Variants in SGCZ observed in about 807,000 individuals in gnomAD.
SGCZ encodes the protein sarcoglycan zeta, also known as zeta-sarcoglycan.
Under a neutral mutation model 41.3 loss-of-function variants are expected in SGCZ, and 40 were observed. That is an observed-to-expected ratio of 0.97 (90% CI 0.75 to 1.26). The LOEUF (loss-of-function observed/expected upper bound fraction) is 1.26. Ranked by LOEUF, SGCZ falls within the 50% of genes most tolerant of loss-of-function variation. The pLI is 0.00. For missense variants in SGCZ, 552 were observed against 369.8 expected, an observed-to-expected ratio of 1.49 and a Z score of -4.04; for synonymous variants, 206 against 137.5, an observed-to-expected ratio of 1.50 and a Z score of -3.49.
intron 1 of SGCZ, among the ~76,000 whole-genome samples, chr8:15,165,197 G>C (rs1014389405): frequency 6.6e-6 from 1 of 152,142 alleles, no homozygotes; most frequent in Non-Finnish European, 1.5e-5. Flanking sequence ...GGCTGAGGCA[G>C]AAATGCATGA....
chr8:14,896,779 CTT>C (rs955506258), intron 1 of SGCZ, among the ~76,000 whole-genome samples: 1 of 148,940 alleles, frequency 6.7e-6, no homozygotes, highest in Admixed American at 6.7e-5. Flanking sequence ...ACCTGGCTGA[CTT>C]TTTTTTTCTT....
At chr8:14,523,828 G>A (rs943081770) in intron 2 of SGCZ, among the ~76,000 whole-genome samples, 7 of 152,116 alleles carry the variant, frequency 4.6e-5, no homozygotes, top group Admixed American at 3.9e-4. Context: ...ACGAATGATA[G>A]ATCTATTGTT....
At chr8:14,757,161 G>T (rs531096932) in intron 1 of SGCZ, among the ~76,000 whole-genome samples, 1 of 152,020 alleles carries the variant, frequency 6.6e-6, no homozygotes, top group Non-Finnish European at 1.5e-5. Context: ...CATTTCTCCT[G>T]CCTCAGCCTC....
intron 4 of SGCZ, among the ~76,000 whole-genome samples, chr8:14,207,146 T>C (rs1805641223): frequency 1.6e-4 from 2 of 12,288 alleles, no homozygotes; most frequent in African/African-American, 2.2e-3. Flanking sequence ...AGGGTGATGG[T>C]GGCTATTCTT....
intron 1 of SGCZ, among the ~76,000 whole-genome samples, chr8:15,149,803 TCTAAAAATACACA>T (rs1290584464): frequency 6.6e-6 from 1 of 151,848 alleles, no homozygotes; most frequent in Non-Finnish European, 1.5e-5. Context: ...CAGCAATTCT[TCTAAAAATACACA>T]CTAATAACCA....
chr8:14,724,640 C>A (rs2250650), intron 1 of SGCZ, among the ~76,000 whole-genome samples: 151,283 of 151,670 alleles, frequency 1, 75,449 homozygotes, highest in Middle Eastern at 1. Context: ...TAAGACCAAG[C>A]GTTTCTCTTT....
intron 1 of SGCZ, among the ~76,000 whole-genome samples, chr8:14,885,985 TTATATATATATATATATA>T (rs71209089): frequency 0.093 from 5,227 of 55,970 alleles, 260 homozygotes; most frequent in Non-Finnish European, 0.13. Context: ...GGACTTTATG[TTATATATATATATATATA>T]TATATATATA....
intron 1 of SGCZ, among the ~76,000 whole-genome samples, chr8:14,672,782 T>C (rs1808145929): frequency 6.6e-6 from 1 of 152,168 alleles, no homozygotes; most frequent in African/African-American, 2.4e-5. Context: ...CTGTCTCTCC[T>C]AGTACTAGTA....
chr8:14,256,926 A>T (rs994115005), intron 3 of SGCZ, among the ~76,000 whole-genome samples: 3 of 152,200 alleles, frequency 2.0e-5, no homozygotes, highest in African/African-American at 7.2e-5. Context: ...ACTGAGTTAG[A>T]CGTATATAAT....
chr8:15,167,172 G>A (rs1799689750), intron 1 of SGCZ, among the ~76,000 whole-genome samples: 1 of 152,156 alleles, frequency 6.6e-6, no homozygotes, highest in Non-Finnish European at 1.5e-5. Context: ...TATCCTCGTG[G>A]CAATAAGGCT....
chr8:14,622,479 T>C (rs1450735630), intron 1 of SGCZ, among the ~76,000 whole-genome samples: 1 of 152,174 alleles, frequency 6.6e-6, no homozygotes, highest in Non-Finnish European at 1.5e-5. Flanking sequence ...AGAAGCCCAA[T>C]TAATTAGACT....
chr8:14,442,305 T>C (rs1800293807), intron 2 of SGCZ, among the ~76,000 whole-genome samples: 1 of 152,136 alleles, frequency 6.6e-6, no homozygotes, highest in Admixed American at 6.5e-5. Flanking sequence ...CTGATGGTTT[T>C]ATAAAAGGGA....
chr8:14,998,428 C>T (rs900284695), intron 1 of SGCZ, among the ~76,000 whole-genome samples: 6 of 152,144 alleles, frequency 3.9e-5, no homozygotes, highest in East Asian at 3.9e-4. Flanking sequence ...ACATAAGGAG[C>T]GTGACTTTAA....
intron 1 of SGCZ, among the ~76,000 whole-genome samples, chr8:15,205,356 A>G (rs368706324): frequency 6.6e-6 from 1 of 152,260 alleles, no homozygotes; most frequent in Non-Finnish European, 1.5e-5. Context: ...CAAACTATGC[A>G]TCTGACAAAG....
At chr8:14,647,214 A>G (rs1807250920) in intron 1 of SGCZ, among the ~76,000 whole-genome samples, 1 of 152,028 alleles carries the variant, frequency 6.6e-6, no homozygotes, top group African/African-American at 2.4e-5. Flanking sequence ...CTCTGGACTG[A>G]TAAACAGAAA....
At chr8:15,164,670 T>C (rs1799604039) in intron 1 of SGCZ, among the ~76,000 whole-genome samples, 1 of 149,930 alleles carries the variant, frequency 6.7e-6, no homozygotes, top group Admixed American at 6.7e-5. Flanking sequence ...GACATTTTAC[T>C]AGGCCAGGCT....
rs1046258520 is a variant in SGCZ, at chr8:14,645,478, T to TTATATATA, written c.40-90553_40-90552insTATATATA. ...AGTATCATTGATTATATATATATATTTATATGTATATATATATATATATGG... is the reference window on the plus strand; with the variant it reads ...AGTATCATTGATTATATATATATATTTATATATATATATGTATATATATATATATATGG... On this transcript the variant is annotated intron_variant, in intron 1 of 7. Transcript: ENST00000382080. Among the ~76,000 whole-genome samples, 7 of 106,590 alleles carry TTATATATA rather than the reference T, an allele frequency of 6.6e-5. No homozygotes were observed. In the South Asian group the frequency reaches 9.0e-4, roughly 14 times the overall value. The allele number at this position is 106,590 out of a possible 152,430, so 69.9% of individuals were successfully genotyped here.
intron 4 of SGCZ, among the ~76,000 whole-genome samples, chr8:14,222,285 T>A (rs1354173794): frequency 7.9e-5 from 12 of 151,920 alleles, no homozygotes; most frequent in African/African-American, 2.9e-4. Context: ...ATTATCTGCC[T>A]CAGCCTCCCG....
intron 1 of SGCZ, among the ~76,000 whole-genome samples, chr8:14,643,716 A>C (rs1296946695): frequency 6.6e-6 from 1 of 151,756 alleles, no homozygotes; most frequent in East Asian, 1.9e-4. Context: ...AAAGCTTGGA[A>C]ATATCTGAAA....
Sources: gnomAD v4.1 joint callset for allele counts (sites outside exome capture counted in the v4.1 genomes callset) on GRCh38, gnomAD v4.1.1 for gene constraint, MANE v1.5 for transcripts, NCBI Gene and HGNC (gene_info 2026-07-23, HGNC 2026-07-21) for gene names.